The following SYT12 variants were observed in gnomAD, a reference collection of about 807,000 sequenced individuals.
The protein encoded by SYT12 is synaptotagmin 12.
Under a neutral mutation model 39.5 loss-of-function variants are expected in SYT12, and 27 were observed. That is an observed-to-expected ratio of 0.68 (90% CI 0.50 to 0.94). SYT12 has a LOEUF of 0.94. SYT12 is among the 40% of genes least tolerant of loss of function. The pLI is 0.00. For missense variants in SYT12, 536 were observed against 572.6 expected, an observed-to-expected ratio of 0.94 and a Z score of 0.65; for synonymous variants, 233 against 239.7, an observed-to-expected ratio of 0.97 and a Z score of 0.26.
rs577379481 is a variant in SYT12 at position 67,017,324 on chromosome 11, C to G, written c.-68-4545C>G. Among the ~76,000 whole-genome samples the G allele has an allele frequency of 9.2e-5, 14 of 151,850 alleles. 2 individuals carry two copies. In the South Asian group the frequency reaches 2.9e-3, roughly 32 times the overall value. On this transcript the variant is annotated intron_variant, in intron 3 of 10. Transcript: ENST00000393946. The stretch of plus-strand genomic sequence containing the variant: ...ATCATTTGAGCCCGGGAGTTCAAGA[C>G]CAGCCCGGGTAACATAGGGAGACCC...
intron 7 of SYT12, 53 bp from the exon 8 acceptor site, chr11:67,048,531 G>C: frequency 6.4e-7 from 1 of 1,566,844 alleles, no homozygotes; most frequent in Non-Finnish European, 8.7e-7. Flanking sequence ...CAGAGGCCAA[G>C]AAGTACCTCT....
At chr11:67,035,514 G>A (rs1950343657) in intron 3 of SYT12, among the ~76,000 whole-genome samples, 1 of 140,502 alleles carries the variant, frequency 7.1e-6, no homozygotes, top group Non-Finnish European at 1.5e-5. Context: ...CTGGAGTGCA[G>A]TGGGGCAATC....
rs551520669 is a variant in SYT12, at chr11:67,047,216, C to T, written c.1092+1339C>T. Among the ~76,000 whole-genome samples, 4 of 151,640 alleles carry T rather than the reference C, an allele frequency of 2.6e-5. 1 individual carries two copies. Among genetic ancestry groups the T allele is most frequent in the South Asian group, 4.2e-4 (2 of 4,792 alleles). On this transcript the variant is annotated intron_variant, in intron 7 of 7. Transcript: ENST00000527043. ...CCAACCTTAGGTGATCCACCCACTT[C>T]GGCCTTCCAAAGTGCTGGGATTACA...
At chr11:67,046,923 A>G (rs561876381) in intron 7 of SYT12, among the ~76,000 whole-genome samples, 2 of 152,230 alleles carry the variant, frequency 1.3e-5, no homozygotes, top group Admixed American at 6.5e-5. Flanking sequence ...CGTTCTACAC[A>G]GTTCACTCTT....
At chr11:67,015,030 T>A (rs1950045719) in intron 3 of SYT12, among the ~76,000 whole-genome samples, 1 of 152,194 alleles carries the variant, frequency 6.6e-6, no homozygotes, top group Non-Finnish European at 1.5e-5. Context: ...AGTGCCAAAC[T>A]TTCTAGATGC....
chr11:67,015,643 A>G (rs1434599700), intron 3 of SYT12, among the ~76,000 whole-genome samples: 1 of 152,186 alleles, frequency 6.6e-6, no homozygotes, highest in Admixed American at 6.5e-5. Context: ...CTCCTTAGCA[A>G]TAAGAGTTAG....
chr11:67,014,656 A>T (rs1225762813), intron 3 of SYT12, among the ~76,000 whole-genome samples: 1 of 152,068 alleles, frequency 6.6e-6, no homozygotes, highest in Non-Finnish European at 1.5e-5. Context: ...TGGAGGTAGG[A>T]CTGGGGTGGA....
Position 67,048,929 on chromosome 11 carries a change from T to A in SYT12, c.*172T>A. 2.7e-6 allele frequency: 2 copies of A among 750,042 alleles called. No individual in the cohort carries two copies. Among genetic ancestry groups the A allele is most frequent in the Non-Finnish European group, 4.1e-6 (2 of 483,272 alleles). The allele number at this position is 750,042 out of a possible 1,614,324, so 46.5% of individuals were successfully genotyped here. ...CCAGATTGCAGCAGAGGAGTGGGCG[T>A]GGCTCTGTGTCCAGGGCCCCAGGGT... On this transcript the variant is annotated 3_prime_UTR_variant, in exon 8 of 8. Coordinates refer to ENST00000527043, the MANE Select transcript of SYT12 (RefSeq NM_177963.4).
At chr11:67,047,214 T>G (rs1047723269) in intron 7 of SYT12, among the ~76,000 whole-genome samples, 1 of 151,358 alleles carries the variant, frequency 6.6e-6, no homozygotes, top group African/African-American at 2.4e-5. Context: ...ATCCACCCAC[T>G]TCGGCCTTCC....
chr11:67,040,046 A>G lies in SYT12; in HGVS notation c.464A>G (p.Gln155Arg), dbSNP rs1407928865. The G allele has an allele frequency of 1.2e-6, 2 of 1,613,968 alleles. No individual in the cohort carries two copies. Among genetic ancestry groups the G allele is most frequent in the Admixed American group, 3.3e-5 (2 of 60,012 alleles). Residue 155 changes from glutamine to arginine, a missense_variant, in exon 4 of 8, where the codon CAG becomes CGG. Physicochemically the swap from Gln to Arg is conservative, Grantham distance 43. Coordinates refer to ENST00000527043, the MANE Select transcript of SYT12 (RefSeq NM_177963.4). ...NTFGQDFTLG[Q>R]VEVSMEYDTA... ...TTTGGGCAGGACTTCACACTGGGCCAGGTGGAGGTGAGCATGGAGTACGAC... is the reference window on the plus strand; with the variant it reads ...TTTGGGCAGGACTTCACACTGGGCCGGGTGGAGGTGAGCATGGAGTACGAC...
chr11:67,027,554 G>A (rs1950198670), intron 1 of SYT12: 1 of 149,950 alleles, frequency 6.7e-6, no homozygotes, highest in Admixed American at 6.6e-5. Context: ...GGTGTGCCTA[G>A]CAGTCATTCA....
intron 3 of SYT12, among the ~76,000 whole-genome samples, chr11:67,016,319 G>C (rs1467940913): frequency 2.0e-5 from 3 of 152,094 alleles, no homozygotes; most frequent in Non-Finnish European, 4.4e-5. Flanking sequence ...GATGTTGCGG[G>C]AGGGAAGTGG....
intron 1 of SYT12, chr11:67,009,733 G>A (rs955495037): frequency 6.6e-6 from 1 of 152,252 alleles, no homozygotes; most frequent in African/African-American, 2.4e-5. Context: ...TTCCAGGACA[G>A]ACACTATAAA....
chr11:67,009,088 C>T (rs143046708), intron 1 of SYT12, among the ~76,000 whole-genome samples: 143 of 152,250 alleles, frequency 9.4e-4, no homozygotes, highest in African/African-American at 3.1e-3. Flanking sequence ...CTCCCTGCAA[C>T]CTCGCCCTCC....
chr11:67,009,710 C>G (rs772201116), intron 1 of SYT12, among the ~76,000 whole-genome samples: 3 of 152,150 alleles, frequency 2.0e-5, no homozygotes, highest in Non-Finnish European at 2.9e-5. Context: ...GGAACAGACA[C>G]AGGAACAAAT....
chr11:67,043,608 T>C (rs770977247), intron 4 of SYT12, 30 bp from the exon 5 acceptor site: 8 of 1,611,246 alleles, frequency 5.0e-6, no homozygotes, highest in East Asian at 2.2e-5. Context: ...CTCAGGCCCC[T>C]AGCGCCCTCC....
chr11:67,029,811 C>T (rs1950232982), intron 1 of SYT12: 1 of 252,430 alleles, frequency 4.0e-6, no homozygotes, highest in African/African-American at 2.3e-5. Flanking sequence ...GAGATCGCGC[C>T]ACTGCACTCT....
intron 3 of SYT12, among the ~76,000 whole-genome samples, chr11:67,038,376 G>A (rs996909390): frequency 2.0e-5 from 3 of 151,774 alleles, no homozygotes; most frequent in Non-Finnish European, 4.4e-5. Flanking sequence ...TGTTGGCCAG[G>A]CTGGTCTTGA....
At chr11:67,045,462 C>T (rs1425520208) in intron 6 of SYT12, among the ~76,000 whole-genome samples, 1 of 152,148 alleles carries the variant, frequency 6.6e-6, no homozygotes, top group Non-Finnish European at 1.5e-5. Context: ...AGAAGGAACA[C>T]GGTGGGGCTG....
Sources: allele counts gnomAD v4.1 joint callset (sites outside exome capture counted in the v4.1 genomes callset), GRCh38; gene constraint gnomAD v4.1.1; transcripts MANE v1.5; gene names NCBI Gene and HGNC (gene_info 2026-07-23, HGNC 2026-07-21).